Variants in ADAM23 observed in about 807,000 individuals in gnomAD.
ADAM23 encodes ADAM metallopeptidase domain 23.
A neutral mutation model predicts 120.1 loss-of-function variants in ADAM23; 33 were observed. That is an observed-to-expected ratio of 0.27 (90% confidence interval 0.21 to 0.37). The LOEUF is 0.37. ADAM23 is among the 10% of genes least tolerant of loss of function. The pLI, the probability that ADAM23 is intolerant of heterozygous loss-of-function variation, is 1.00. For missense variants in ADAM23, 862 were observed against 1,058.2 expected (o/e 0.81, Z 2.57); for synonymous variants, 367 against 375.2 (o/e 0.98, Z 0.25).
intron 19 of ADAM23, 134 bp from the exon 20 acceptor site, chr2:206,587,947 GTGATCCTTAC>G: frequency 1.4e-6 from 1 of 734,222 alleles, no homozygotes; most frequent in Non-Finnish European, 2.3e-6. Context: ...TGAGATATTT[GTGATCCTTAC>G]TGGTCACTAT....
intron 6 of ADAM23, 55 bp from the exon 7 acceptor site, chr2:206,547,374 A>G (rs772189529): frequency 6.9e-7 from 1 of 1,450,640 alleles, no homozygotes; most frequent in East Asian, 2.3e-5. Context: ...ACACTGTTTC[A>G]TAGAGGCTTG....
intron 6 of ADAM23, among the ~76,000 whole-genome samples, chr2:206,546,643 T>C (rs1485018963): frequency 6.6e-6 from 1 of 152,180 alleles, no homozygotes; most frequent in Non-Finnish European, 1.5e-5. Context: ...TTTTCAATGA[T>C]ATAGTCCCAT....
chr2:206,455,437 G>T (rs1050715405), intron 2 of ADAM23, among the ~76,000 whole-genome samples: 2 of 152,166 alleles, frequency 1.3e-5, no homozygotes, highest in Non-Finnish European at 2.9e-5. Flanking sequence ...CTGCCATGAA[G>T]GTCTCTGAAA....
At chr2:206,594,211 C>T (rs1698477522) in intron 22 of ADAM23, among the ~76,000 whole-genome samples, 1 of 152,028 alleles carries the variant, frequency 6.6e-6, no homozygotes, top group Admixed American at 6.5e-5. Flanking sequence ...AGAATATTAT[C>T]CCCATCATTA....
At chr2:206,474,607 A>C (rs899089186) in intron 2 of ADAM23, among the ~76,000 whole-genome samples, 1 of 152,094 alleles carries the variant, frequency 6.6e-6, no homozygotes, top group African/African-American at 2.4e-5. Context: ...AATGGGTCTC[A>C]TTCTGTCACC....
At chr2:206,464,660 C>T (rs1695504193) in intron 2 of ADAM23, among the ~76,000 whole-genome samples, 1 of 152,064 alleles carries the variant, frequency 6.6e-6, no homozygotes. Context: ...ATACATACAT[C>T]TTCTGTACAT....
chr2:206,481,270 C>G lies in ADAM23; in HGVS notation c.471C>G (p.Ala157=), dbSNP rs202037149. 6.2e-7 allele frequency: 1 copy of G among 1,609,744 alleles called. No individual in the cohort carries two copies. Residue 157 remains alanine, a synonymous_variant, in exon 3 of 26, where the codon GCC becomes GCG. Transcript: ENST00000264377. ...CCCAGGCAAGCTTCCAGATTGAAGC[C>G]TTCGGCTCCAAATTCATTCTTGACC... ...HLAQASFQIE[A]FGSKFILDLI...
chr2:206,462,060 A>AACAGAC (rs1695432235), intron 2 of ADAM23, among the ~76,000 whole-genome samples: 1 of 152,122 alleles, frequency 6.6e-6, no homozygotes, highest in Admixed American at 6.5e-5. Context: ...GAAGTCCAGA[A>AACAGAC]AGTCCTGATT....
intron 4 of ADAM23, among the ~76,000 whole-genome samples, chr2:206,541,230 A>AAAAT (rs932565106): frequency 2.0e-5 from 3 of 151,884 alleles, no homozygotes; most frequent in African/African-American, 7.2e-5. Flanking sequence ...AAAAATTCTA[A>AAAAT]AAATAAATAA....
chr2:206,496,092 T>C (rs979573906), intron 3 of ADAM23, among the ~76,000 whole-genome samples: 9 of 151,996 alleles, frequency 5.9e-5, no homozygotes, highest in African/African-American at 1.2e-4. Context: ...GACAGATCAA[T>C]GAGATAGAAA....
At chr2:206,522,824 A>G (rs1307937240) in intron 3 of ADAM23, among the ~76,000 whole-genome samples, 2 of 131,626 alleles carry the variant, frequency 1.5e-5, no homozygotes, top group Non-Finnish European at 1.7e-5. Context: ...TTTTGGTTTT[A>G]TGACATACGG....
At chr2:206,543,222 T>G (rs1168086911) in intron 5 of ADAM23, 31 bp from the exon 6 acceptor site, 6 of 1,604,114 alleles carry the variant, frequency 3.7e-6, no homozygotes, top group Non-Finnish European at 5.1e-6. Context: ...GTTTGTTTAT[T>G]CCCTCCTTTG....
chr2:206,600,091 A>G (rs1364442870), intron 24 of ADAM23, among the ~76,000 whole-genome samples: 1 of 152,108 alleles, frequency 6.6e-6, no homozygotes, highest in Admixed American at 6.6e-5. Context: ...AGTCCCAGCT[A>G]CTCGGGAGGC....
At chr2:206,518,018 G>A (rs1260620272) in intron 3 of ADAM23, among the ~76,000 whole-genome samples, 1 of 152,156 alleles carries the variant, frequency 6.6e-6, no homozygotes, top group Admixed American at 6.6e-5. Context: ...AACACTGCAA[G>A]GCACTTTGTG....
chr2:206,444,154 T>A, intron 1 of ADAM23, 74 bp downstream of exon 1: 1 of 1,139,452 alleles, frequency 8.8e-7, no homozygotes, highest in Non-Finnish European at 1.1e-6. Flanking sequence ...GGCGCGCGGG[T>A]CCGTGTGCTC....
intron 3 of ADAM23, among the ~76,000 whole-genome samples, chr2:206,484,523 C>G (rs1234896024): frequency 2.0e-5 from 3 of 152,114 alleles, no homozygotes; most frequent in Non-Finnish European, 2.9e-5. Context: ...GGCTCAATCT[C>G]TGTGGTAGCA....
chr2:206,552,411 T>C (rs1225901843), intron 9 of ADAM23, among the ~76,000 whole-genome samples: 4 of 152,198 alleles, frequency 2.6e-5, no homozygotes, highest in African/African-American at 9.6e-5. Context: ...TAAACAGTTA[T>C]AGTTTTTTGG....
At chr2:206,490,253 T>C (rs1313398244) in intron 3 of ADAM23, among the ~76,000 whole-genome samples, 1 of 152,206 alleles carries the variant, frequency 6.6e-6, no homozygotes, top group Non-Finnish European at 1.5e-5. Flanking sequence ...ATCTTGGACT[T>C]CTAGCCTTCC....
chr2:206,588,054 G>A, intron 19 of ADAM23, 37 bp from the exon 20 acceptor site: 1 of 1,610,716 alleles, frequency 6.2e-7, no homozygotes, highest in Non-Finnish European at 8.5e-7. Flanking sequence ...AAGACAAACT[G>A]ACTCTGTGTG....
Sources: gnomAD v4.1 joint callset for allele counts (sites outside exome capture counted in the v4.1 genomes callset) on GRCh38, gnomAD v4.1.1 for gene constraint, MANE v1.5 for transcripts, NCBI Gene and HGNC (gene_info 2026-07-23, HGNC 2026-07-21) for gene names.